TSPAN2: variants seen among roughly 807,000 people sequenced by gnomAD.
The protein encoded by TSPAN2 is tetraspanin 2, also known as tetraspanin-2.
TSPAN2 carries 24 observed loss-of-function variants against 33.3 expected under a neutral mutation model. The ratio of observed to expected loss-of-function variants is 0.72; its 90% CI spans 0.52 to 1.01. TSPAN2 has a LOEUF of 1.01. Ranked by LOEUF, TSPAN2 falls within the 50% of genes least tolerant of loss-of-function variation. TSPAN2 has a pLI of 0.00. For synonymous variants in TSPAN2, 114 were observed against 104.5 expected (o/e 1.09, Z -0.56); for missense variants, 278 against 281.3 (o/e 0.99, Z 0.08).
In TSPAN2 at chr1:115,053,463, C is replaced by T. The variant is rs1271675836; in HGVS notation, c.517-1G>A. On this transcript the variant is annotated splice_acceptor_variant, in intron 6 of 7. Transcript: ENST00000369516. LOFTEE classifies it high-confidence loss of function. ...TGGTCTCAATTTCATCGATGCAATT[C>T]TGTTTTGAGGAAAAAAAGTCGGGAA... The T allele has an allele frequency of 6.2e-7, 1 of 1,613,444 alleles. No individual in the cohort carries two copies. The highest frequency in any genetic ancestry group is 8.5e-7 in the Non-Finnish European group (1 of 1,179,672).
chr1:115,065,959 T>A (rs1219957443), intron 2 of TSPAN2, among the ~76,000 whole-genome samples: 1 of 152,168 alleles, frequency 6.6e-6, no homozygotes, highest in African/African-American at 2.4e-5. Context: ...CTCCATGAGA[T>A]CCACTTATTC....
chr1:115,055,373 G>A lies in TSPAN2; in HGVS notation c.517-1911C>T, dbSNP rs867896278. Among the ~76,000 whole-genome samples the A allele has an allele frequency of 2.7e-5, 4 of 149,750 alleles. No homozygotes were observed. In the Middle Eastern group the frequency reaches 0.01, roughly 382 times the overall value. The stretch of plus-strand genomic sequence containing the variant: ...AAATGTCTGTATTCTCACCATAAAA[G>A]GTAATAAATTTGTTGGTGATACTTA... On this transcript the variant is annotated intron_variant, in intron 6 of 7. Coordinates refer to ENST00000369516, the MANE Select transcript of TSPAN2 (RefSeq NM_005725.6).
intron 6 of TSPAN2, among the ~76,000 whole-genome samples, chr1:115,056,245 T>C (rs1647417548): frequency 6.6e-6 from 1 of 152,254 alleles, no homozygotes; most frequent in Non-Finnish European, 1.5e-5. Flanking sequence ...ATTTTCTATA[T>C]GTTTAATGGT....
At chr1:115,068,259 G>A (rs1419492803) in intron 2 of TSPAN2, among the ~76,000 whole-genome samples, 2 of 152,194 alleles carry the variant, frequency 1.3e-5, no homozygotes, top group Non-Finnish European at 2.9e-5. Flanking sequence ...CTGGCTTGGA[G>A]GTTATGTCTG....
chr1:115,070,465 C>T (rs1170267651), intron 2 of TSPAN2, among the ~76,000 whole-genome samples: 2 of 151,674 alleles, frequency 1.3e-5, no homozygotes, highest in Non-Finnish European at 2.9e-5. Flanking sequence ...ATACCCTACC[C>T]CCGGCCCCAA....
At chr1:115,066,949 A>G (rs1647975305) in intron 2 of TSPAN2, among the ~76,000 whole-genome samples, 1 of 152,132 alleles carries the variant, frequency 6.6e-6, no homozygotes, top group South Asian at 2.1e-4. Context: ...GATGTGGGGG[A>G]ATTTTGGATT....
At chr1:115,055,999 T>C (rs565873054) in intron 6 of TSPAN2, among the ~76,000 whole-genome samples, 3 of 152,194 alleles carry the variant, frequency 2.0e-5, no homozygotes, top group African/African-American at 7.2e-5. Context: ...CTCCGAGAAG[T>C]GGAATTTCTG....
At chr1:115,068,810 TTTATA>T (rs1475816615) in intron 2 of TSPAN2, among the ~76,000 whole-genome samples, 3 of 152,228 alleles carry the variant, frequency 2.0e-5, no homozygotes, top group Admixed American at 6.5e-5. Flanking sequence ...TGTCTTTCTA[TTTATA>T]TTATAAGACA....
rs980386060 is a variant in TSPAN2 at position 115,081,940 on chromosome 1, G to C, written c.69+7424C>G. On this transcript the variant is annotated intron_variant, in intron 1 of 7. Transcript: ENST00000369516. ...TTTTCTAAATCTTCTATACTAGAAA[G>C]TCAGTAGCCTTTTGTGGAAACTATG... Among the ~76,000 whole-genome samples, 7 of 152,332 alleles carry C rather than the reference G, an allele frequency of 4.6e-5. No homozygotes were observed. In the South Asian group the frequency reaches 1.2e-3, roughly 27 times the overall value.
chr1:115,051,355 G>C (rs1174714710), intron 7 of TSPAN2, among the ~76,000 whole-genome samples: 1 of 152,058 alleles, frequency 6.6e-6, no homozygotes, highest in Non-Finnish European at 1.5e-5. Flanking sequence ...CATTTTTAAG[G>C]GCAAACGATG....
At chr1:115,071,510 C>T (rs1648176310) in intron 2 of TSPAN2, among the ~76,000 whole-genome samples, 1 of 152,298 alleles carries the variant, frequency 6.6e-6, no homozygotes. Flanking sequence ...GGAAAGTCCC[C>T]ATCTCCAGAC....
At chr1:115,080,294 A>AT (rs1259136209) in intron 1 of TSPAN2, among the ~76,000 whole-genome samples, 1 of 151,928 alleles carries the variant, frequency 6.6e-6, no homozygotes, top group African/African-American at 2.4e-5. Context: ...CTTGCTTTTT[A>AT]TTTTTTTGAG....
intron 7 of TSPAN2, 132 bp downstream of exon 7, chr1:115,053,247 A>G: frequency 2.8e-6 from 2 of 725,556 alleles, no homozygotes; most frequent in Middle Eastern, 2.4e-4. Context: ...AAGATGTAAT[A>G]CATTGTGAAC....
chr1:115,085,214 G>T (rs1160518319), intron 1 of TSPAN2, among the ~76,000 whole-genome samples: 1 of 152,214 alleles, frequency 6.6e-6, no homozygotes, highest in Admixed American at 6.5e-5. Context: ...GTTGGGAGGG[G>T]TTTCACATTT....
chr1:115,088,279 T>C (rs1648921268), intron 1 of TSPAN2, among the ~76,000 whole-genome samples: 1 of 152,154 alleles, frequency 6.6e-6, no homozygotes, highest in African/African-American at 2.4e-5. Flanking sequence ...GTTGCAATCA[T>C]GGGAAGACAA....
chr1:115,058,833 C>T, intron 5 of TSPAN2, 50 bp downstream of exon 5: 2 of 1,439,542 alleles, frequency 1.4e-6, no homozygotes, highest in Non-Finnish European at 2.0e-6. Flanking sequence ...ACCTGGCTCA[C>T]ACATAATCTT....
At chr1:115,071,143 TC>T (rs1648157543) in intron 2 of TSPAN2, among the ~76,000 whole-genome samples, 1 of 152,048 alleles carries the variant, frequency 6.6e-6, no homozygotes, top group African/African-American at 2.4e-5. Flanking sequence ...CCCAGGCCCC[TC>T]CCCAGGCCCA....
rs1397099103 is a variant in TSPAN2 at position 115,066,573 on chromosome 1, A to AAACTGGCGGTT, written c.173-4342_173-4341insAACCGCCAGTT. On this transcript the variant is annotated intron_variant, in intron 2 of 7. Coordinates refer to ENST00000369516, the MANE Select transcript of TSPAN2 (RefSeq NM_005725.6). ...GAGAACCTCCTAACGGCCTACTGGG[A>AAACTGGCGGTT]TAAACTCACTTAAAAATGTGGTTCC... Among the ~76,000 whole-genome samples, 3 of 152,340 alleles carry AAACTGGCGGTT rather than the reference A, an allele frequency of 2.0e-5. No homozygotes were observed. In the East Asian group the frequency reaches 5.8e-4, roughly 29 times the overall value.
In TSPAN2 at chr1:115,086,975, T is replaced by A. The variant is rs569033350; in HGVS notation, c.69+2389A>T. On this transcript the variant is annotated intron_variant, in intron 1 of 7. Transcript: ENST00000369516. The stretch of plus-strand genomic sequence containing the variant: ...TCTTGTTGCCCAGGCTGGAGTGCAA[T>A]GTGGCACCATCTCAGCTCACTGCAA... 2.6e-5 allele frequency among the ~76,000 whole-genome samples: 4 copies of A among 152,122 alleles called. No individual in the cohort carries two copies. The East Asian group carries it at 7.8e-4, about 30-fold the overall frequency.
Sources: gnomAD v4.1 joint callset for allele counts (sites outside exome capture counted in the v4.1 genomes callset) on GRCh38, gnomAD v4.1.1 for gene constraint, MANE v1.5 for transcripts, NCBI Gene and HGNC (gene_info 2026-07-23, HGNC 2026-07-21) for gene names.